The following RTL10 variants were observed in gnomAD, a reference collection of about 807,000 sequenced individuals.
RTL10 encodes retrotransposon Gag like 10, also known as protein Bop.
For missense variants in RTL10, 477 were observed against 470.7 expected (o/e 1.01, Z -0.12); for synonymous variants, 199 against 188.4 (o/e 1.06, Z -0.46).
At position 19,848,891 on chromosome 22, in the gene RTL10, G is replaced by A; in HGVS notation, c.*2276C>T. ...GGCCTGTCCAGAAGCCTGTGGGACA[G>A]GGTAAAGGTCAGCTGGGTGACTAGG... is the stretch of plus-strand genomic sequence containing the variant. On this transcript the variant is annotated 3_prime_UTR_variant, in exon 3 of 3. Coordinates refer to ENST00000328554, the MANE Select transcript of RTL10 (RefSeq NM_024627.6). 2 of 985,452 alleles carry A rather than the reference G, an allele frequency of 2.0e-6. No homozygotes were observed. Among genetic ancestry groups the A allele is most frequent in the Non-Finnish European group, 2.4e-6 (2 of 829,922 alleles). The allele number at this position is 985,452 out of a possible 1,614,324, so 61.0% of individuals were successfully genotyped here. A position where few individuals can be genotyped will look rare whatever the true frequency, so the allele number is the denominator to read the frequency against.
At chr22:19,853,165 C>T (rs1451514971) in intron 2 of RTL10, among the ~76,000 whole-genome samples, 2 of 152,016 alleles carry the variant, frequency 1.3e-5, no homozygotes, top group African/African-American at 4.8e-5. Flanking sequence ...GGCAATGCCA[C>T]CCCCACCCAC....
Position 19,847,980 on chromosome 22 carries a change from T to C in RTL10, c.*3187A>G, listed in dbSNP as rs1569056511. Reference sequence around the variant, plus strand: ...TGAATAATCCATTTTACTCGTTAATTGGAAACACCTCTAGCCTGTACTAAA... The same window carrying C: ...TGAATAATCCATTTTACTCGTTAATCGGAAACACCTCTAGCCTGTACTAAA... On this transcript the variant is annotated 3_prime_UTR_variant, in exon 3 of 3. Transcript: ENST00000328554. 1 of 985,354 alleles carries C rather than the reference T, an allele frequency of 1.0e-6. No individual in the cohort carries two copies. The highest frequency in any genetic ancestry group is 1.2e-6 in the Non-Finnish European group (1 of 829,860). 61.0% of individuals were successfully genotyped at this position (985,354 alleles called of 1,614,324 possible).
chr22:19,847,806 A>C lies in RTL10; in HGVS notation c.*3361T>G. 10 of 448,046 alleles carry C rather than the reference A, an allele frequency of 2.2e-5. No individual in the cohort carries two copies. The highest frequency in any genetic ancestry group is 2.9e-5 in the Non-Finnish European group (10 of 347,802). 27.8% of individuals were successfully genotyped at this position (448,046 alleles called of 1,614,324 possible). The stretch of plus-strand genomic sequence containing the variant: ...TTTTAAAATCCTGGAATCATAGGCA[A>C]AAAAAAAAAAAAAAAAAAATTCACC... On this transcript the variant is annotated 3_prime_UTR_variant, in exon 3 of 3. Coordinates refer to ENST00000328554, the MANE Select transcript of RTL10 (RefSeq NM_024627.6).
In RTL10 at chr22:19,849,147, T is replaced by C. The variant is rs1281262675; in HGVS notation, c.*2020A>G. The C allele has an allele frequency of 2.0e-6, 2 of 985,164 alleles. No individual in the cohort carries two copies. The highest frequency in any genetic ancestry group is 2.4e-6 in the Non-Finnish European group (2 of 829,856). 61.0% of individuals were successfully genotyped at this position (985,164 alleles called of 1,614,324 possible). ...GACCAGAATCAAGACTGAAAATGGG[T>C]TTCTTCTGCCAGCTCACTTGCTTTG... On this transcript the variant is annotated 3_prime_UTR_variant, in exon 3 of 3. Transcript: ENST00000328554.
chr22:19,846,822 T>C lies in RTL10; in HGVS notation c.*4345A>G, dbSNP rs979488366. ...GGAGAAACCAACCCTGCCCACACCT[T>C]GATCTCAGGCTTCTAGCTCCAGAAT... is the stretch of plus-strand genomic sequence containing the variant. On this transcript the variant is annotated 3_prime_UTR_variant, in exon 3 of 3. Coordinates refer to ENST00000328554, the MANE Select transcript of RTL10 (RefSeq NM_024627.6). 4.0e-6 allele frequency: 3 copies of C among 759,100 alleles called. No homozygotes were observed. The highest frequency in any genetic ancestry group is 4.8e-6 in the Non-Finnish European group (3 of 623,194). The allele number at this position is 759,100 out of a possible 1,614,324, so 47.0% of individuals were successfully genotyped here.
chr22:19,851,563 A>G lies in RTL10; in HGVS notation c.699T>C (p.Ser233=). 6.2e-7 allele frequency: 1 copy of G among 1,612,496 alleles called. No individual in the cohort carries two copies. Among genetic ancestry groups the G allele is most frequent in the Non-Finnish European group, 8.5e-7 (1 of 1,178,914 alleles). ...LALDMGTAPR[S]LPAAMATPAV... is the part of the protein sequence containing the mutation. Reference sequence around the variant, plus strand: ...CAGGGGTGGCCATGGCGGCTGGTAAAGACCTGGGGGCAGTACCCATGTCGA... The same window carrying G: ...CAGGGGTGGCCATGGCGGCTGGTAAGGACCTGGGGGCAGTACCCATGTCGA... Residue 233 remains serine (S), a synonymous_variant, in exon 3 of 3, where the codon TCT becomes TCC. Coordinates refer to ENST00000328554, the MANE Select transcript of RTL10 (RefSeq NM_024627.6).
chr22:19,849,725 T>C lies in RTL10; in HGVS notation c.*1442A>G. On this transcript the variant is annotated 3_prime_UTR_variant, in exon 3 of 3. Transcript: ENST00000328554. ...ATTAGTTTTTCCTAAAATAGTTGGCTGTATTTCCAATTCACATTTCTGCTT... is the reference window on the plus strand; with the variant it reads ...ATTAGTTTTTCCTAAAATAGTTGGCCGTATTTCCAATTCACATTTCTGCTT... The C allele has an allele frequency of 4.1e-6, 4 of 985,442 alleles. No homozygotes were observed. The highest frequency in any genetic ancestry group is 4.8e-6 in the Non-Finnish European group (4 of 829,906). The allele number at this position is 985,442 out of a possible 1,614,324, so 61.0% of individuals were successfully genotyped here. A position where few individuals can be genotyped will look rare whatever the true frequency, so the allele number is the denominator to read the frequency against.
Position 19,847,680 on chromosome 22 carries a change from C to T in RTL10, c.*3487G>A. ...AGCAAGTAGTCACAGCATGCATGTG[C>T]CTAGAATTGTTACGTGGTCAAATTA... On this transcript the variant is annotated 3_prime_UTR_variant, in exon 3 of 3. Transcript: ENST00000328554. The T allele has an allele frequency of 1.0e-6, 1 of 984,632 alleles. No individual in the cohort carries two copies. Among genetic ancestry groups the T allele is most frequent in the Non-Finnish European group, 1.2e-6 (1 of 829,446 alleles). 61.0% of individuals were successfully genotyped at this position (984,632 alleles called of 1,614,324 possible). A position where few individuals can be genotyped will look rare whatever the true frequency, so the allele number is the denominator to read the frequency against.
chr22:19,847,055 T>C lies in RTL10; in HGVS notation c.*4112A>G, dbSNP rs776969700. On this transcript the variant is annotated 3_prime_UTR_variant, in exon 3 of 3. Transcript: ENST00000328554. ...CCCATAGGATGATCAGCTGCTGCCG[T>C]CCTATGGAACTCAGGTGTGGCTCTG... 15 of 985,294 alleles carry C rather than the reference T, an allele frequency of 1.5e-5. No individual in the cohort carries two copies. Among genetic ancestry groups the C allele is most frequent in the Non-Finnish European group, 1.7e-5 (14 of 829,946 alleles). The allele number at this position is 985,294 out of a possible 1,614,324, so 61.0% of individuals were successfully genotyped here.
In RTL10 at chr22:19,849,162, C is replaced by T. The variant is rs955357444; in HGVS notation, c.*2005G>A. The T allele has an allele frequency of 1.0e-6, 1 of 985,278 alleles. No individual in the cohort carries two copies. 61.0% of individuals were successfully genotyped at this position (985,278 alleles called of 1,614,324 possible). Reference sequence around the variant, plus strand: ...TGAAAATGGGTTTCTTCTGCCAGCTCACTTGCTTTGCTACCAGGGCTATAC... The same window carrying T: ...TGAAAATGGGTTTCTTCTGCCAGCTTACTTGCTTTGCTACCAGGGCTATAC... On this transcript the variant is annotated 3_prime_UTR_variant, in exon 3 of 3. Coordinates refer to ENST00000328554, the MANE Select transcript of RTL10 (RefSeq NM_024627.6).
chr22:19,852,974 G>A (rs926891904), intron 2 of RTL10, among the ~76,000 whole-genome samples: 1 of 152,062 alleles, frequency 6.6e-6, no homozygotes, highest in Non-Finnish European at 1.5e-5. Flanking sequence ...GGCTCTAGCC[G>A]CCCCAAAAAC....
rs1305097198 is a variant in RTL10, at chr22:19,850,691, G to A, written c.*476C>T. 4.9e-6 allele frequency: 6 copies of A among 1,231,816 alleles called. No individual in the cohort carries two copies. Among genetic ancestry groups the A allele is most frequent in the African/African-American group, 4.7e-5 (3 of 64,434 alleles). The allele number at this position is 1,231,816 out of a possible 1,614,324, so 76.3% of individuals were successfully genotyped here. A position where few individuals can be genotyped will look rare whatever the true frequency, so the allele number is the denominator to read the frequency against. On this transcript the variant is annotated 3_prime_UTR_variant, in exon 3 of 3. Transcript: ENST00000328554. ...CATTCCAGCTGGGACAGAAGTCACA[G>A]GGAGCAGAGAGGGTGGGGCTAGGGG...
rs1938114752 is a variant in RTL10, at chr22:19,851,977, G to A, written c.285C>T (p.Asp95=). The A allele has an allele frequency of 6.2e-7, 1 of 1,614,074 alleles. No homozygotes were observed. The highest frequency in any genetic ancestry group is 8.5e-7 in the Non-Finnish European group (1 of 1,180,030). ...GGTCTGAGCCTGGTACCCAGCAGAA[G>A]TCCACCCTGTGGGGTCGGGAGCTGG... is the stretch of plus-strand genomic sequence containing the variant. The part of the protein sequence containing the change: ...HMPSSRPHRV[D]FCWVPGSDPG... Residue 95 remains aspartate (D), a synonymous_variant, in exon 3 of 3, where the codon GAC becomes GAT. Transcript: ENST00000328554.
chr22:19,852,040 A>C lies in RTL10; in HGVS notation c.222T>G (p.Gly74=), dbSNP rs772261525. Residue 74 remains glycine (G), a synonymous_variant, in exon 3 of 3, where the codon GGT becomes GGG. Coordinates refer to ENST00000328554, the MANE Select transcript of RTL10 (RefSeq NM_024627.6). ...CTAGGGGACCCCTTTCTGCAGGTTT[A>C]CCGCCACAAGTGCCACTAGCTGTGC... ...QKSTASGTCG[G]KPAERGPLAG... 1 of 1,614,150 alleles carries C rather than the reference A, an allele frequency of 6.2e-7. No homozygotes were observed. The highest frequency in any genetic ancestry group is 8.5e-7 in the Non-Finnish European group (1 of 1,180,016).
Position 19,849,136 on chromosome 22 carries a change from C to T in RTL10, c.*2031G>A. ...TTCTCACATCTGACCAGAATCAAGA[C>T]TGAAAATGGGTTTCTTCTGCCAGCT... On this transcript the variant is annotated 3_prime_UTR_variant, in exon 3 of 3. Transcript: ENST00000328554. 1.0e-6 allele frequency: 1 copy of T among 985,414 alleles called. No homozygotes were observed. The highest frequency in any genetic ancestry group is 1.2e-6 in the Non-Finnish European group (1 of 829,914). 61.0% of individuals were successfully genotyped at this position (985,414 alleles called of 1,614,324 possible). A position where few individuals can be genotyped will look rare whatever the true frequency, so the allele number is the denominator to read the frequency against.
rs1938001225 is a variant in RTL10, at chr22:19,847,827, T to TAAAAAAAAAAAAAAAA, written c.*3339_*3340insTTTTTTTTTTTTTTTT. The TAAAAAAAAAAAAAAAA allele has an allele frequency of 1.7e-6, 1 of 588,786 alleles. No homozygotes were observed. Among genetic ancestry groups the TAAAAAAAAAAAAAAAA allele is most frequent in the African/African-American group, 4.1e-5 (1 of 24,192 alleles). The allele number at this position is 588,786 out of a possible 1,614,324, so 36.5% of individuals were successfully genotyped here. ...GGCAAAAAAAAAAAAAAAAAAAAAT[T>TAAAAAAAAAAAAAAAA]CACCCATATTTTCCTCTAGTACTTT... On this transcript the variant is annotated 3_prime_UTR_variant, in exon 3 of 3. Transcript: ENST00000328554.
chr22:19,850,782 G>T lies in RTL10; in HGVS notation c.*385C>A, dbSNP rs963693200. ...GGGCAGACGTGGCAGACCCAGTTCA[G>T]TCCCAGCCAGTGTGGAAGACACCAA... is the stretch of plus-strand genomic sequence containing the variant. On this transcript the variant is annotated 3_prime_UTR_variant, in exon 3 of 3. Transcript: ENST00000328554. 12 of 1,273,952 alleles carry T rather than the reference G, an allele frequency of 9.4e-6. No individual in the cohort carries two copies. In the African/African-American group the frequency reaches 1.7e-4, roughly 18 times the overall value. 78.9% of individuals were successfully genotyped at this position (1,273,952 alleles called of 1,614,324 possible).
Position 19,848,219 on chromosome 22 carries a change from C to G in RTL10, c.*2948G>C. 1 of 985,294 alleles carries G rather than the reference C, an allele frequency of 1.0e-6. No individual in the cohort carries two copies. Among genetic ancestry groups the G allele is most frequent in the Non-Finnish European group, 1.2e-6 (1 of 829,818 alleles). The allele number at this position is 985,294 out of a possible 1,614,324, so 61.0% of individuals were successfully genotyped here. A position where few individuals can be genotyped will look rare whatever the true frequency, so the allele number is the denominator to read the frequency against. ...GTCCTATCTTCAGGAAATAAAATCT[C>G]TGGGTATTTCCAAGGGAAGTGAAGG... On this transcript the variant is annotated 3_prime_UTR_variant, in exon 3 of 3. Transcript: ENST00000328554.
chr22:19,851,177 G>C lies in RTL10; in HGVS notation c.1085C>G (p.Pro362Arg). The change falls in exon 3 of 3, where the codon CCT becomes CGT. Residue 362 changes from proline (P) to arginine (R), a missense_variant. Coordinates refer to ENST00000328554, the MANE Select transcript of RTL10 (RefSeq NM_024627.6). ...PETPGEPPLS[P>R]GF ...CCACCTGGGCTGTGTTCAGAACCCAGGAGAAAGTGGTGGCTCTCCTGGGGT... is the reference window on the plus strand; with the variant it reads ...CCACCTGGGCTGTGTTCAGAACCCACGAGAAAGTGGTGGCTCTCCTGGGGT... 6.3e-7 allele frequency: 1 copy of C among 1,590,240 alleles called. No homozygotes were observed. Among genetic ancestry groups the C allele is most frequent in the East Asian group, 2.3e-5 (1 of 43,890 alleles).
Sources: allele counts gnomAD v4.1 joint callset (sites outside exome capture counted in the v4.1 genomes callset), GRCh38; gene constraint gnomAD v4.1.1; transcripts MANE v1.5; gene names NCBI Gene and HGNC (gene_info 2026-07-23, HGNC 2026-07-21).